The following EBF1 variants were observed in gnomAD, a reference collection of about 807,000 sequenced individuals.
EBF1 encodes the protein transcription factor COE1.
EBF1 carries 10 observed loss-of-function variants against 68.4 expected under a neutral mutation model. The ratio of observed to expected loss-of-function variants is 0.15; its 90% CI spans 0.09 to 0.25. EBF1 has a LOEUF of 0.25. Among genes scored for constraint, EBF1 ranks in the 10% least tolerant of loss-of-function variants. The probability of loss-of-function intolerance (pLI) is 1.00; values close to 1 mark genes in which losing one functional copy is unlikely to be tolerated. For synonymous variants in EBF1, 298 were observed against 299.8 expected (o/e 0.99, Z 0.06); for missense variants, 509 against 794.4 (o/e 0.64, Z 4.32).
rs76733631 is a variant in EBF1 at position 158,864,599 on chromosome 5, C to T, written c.555-24489G>A. Among the ~76,000 whole-genome samples the T allele has an allele frequency of 4.2e-3, 630 of 151,736 alleles. 32 individuals carry two copies. The East Asian group carries it at 0.11, about 25-fold the overall frequency. On this transcript the variant is annotated intron_variant, in intron 6 of 15. Coordinates refer to ENST00000313708, the MANE Select transcript of EBF1 (RefSeq NM_024007.5). Reference sequence around the variant, plus strand: ...CTGACTTTCTAGTGGGGAAAAAAGACAAAAAACAAGTGAAAGACTCACAAG... The same window carrying T: ...CTGACTTTCTAGTGGGGAAAAAAGATAAAAAACAAGTGAAAGACTCACAAG...
chr5:158,948,721 C>T (rs929176785), intron 6 of EBF1, among the ~76,000 whole-genome samples: 1 of 152,204 alleles, frequency 6.6e-6, no homozygotes, highest in Non-Finnish European at 1.5e-5. Context: ...TCCAGCCCTG[C>T]TCAGCGACCC....
chr5:159,000,422 G>A (rs1352036679), intron 6 of EBF1, among the ~76,000 whole-genome samples: 1 of 152,094 alleles, frequency 6.6e-6, no homozygotes, highest in Non-Finnish European at 1.5e-5. Flanking sequence ...AACTGTCTGA[G>A]TTGCAAGCTG....
intron 6 of EBF1, among the ~76,000 whole-genome samples, chr5:159,011,502 T>C (rs1764655870): frequency 6.6e-6 from 1 of 152,166 alleles, no homozygotes; most frequent in African/African-American, 2.4e-5. Context: ...GTTGGTAAGT[T>C]TGGGGGGCTG....
At chr5:158,981,194 A>G (rs1757833046) in intron 6 of EBF1, among the ~76,000 whole-genome samples, 1 of 152,204 alleles carries the variant, frequency 6.6e-6, no homozygotes, top group African/African-American at 2.4e-5. Flanking sequence ...CTTGCATCAA[A>G]ATGACTCCAA....
intron 6 of EBF1, among the ~76,000 whole-genome samples, chr5:159,001,334 A>C (rs1300853430): frequency 2.0e-5 from 3 of 152,178 alleles, no homozygotes; most frequent in Non-Finnish European, 2.9e-5. Flanking sequence ...ACATCCACAA[A>C]ATTTCTTTAA....
At chr5:158,786,663 A>C (rs927492127) in intron 9 of EBF1, among the ~76,000 whole-genome samples, 1 of 152,174 alleles carries the variant, frequency 6.6e-6, no homozygotes, top group Non-Finnish European at 1.5e-5. Flanking sequence ...AAGAAGGAAC[A>C]TCATTCCCTA....
chr5:159,011,200 G>A (rs1030130082), intron 6 of EBF1, among the ~76,000 whole-genome samples: 3 of 152,218 alleles, frequency 2.0e-5, no homozygotes, highest in African/African-American at 7.2e-5. Context: ...GTTTTCTTAA[G>A]GAAGTTGAAG....
chr5:159,029,556 G>T (rs138476767), intron 6 of EBF1, among the ~76,000 whole-genome samples: 1 of 152,276 alleles, frequency 6.6e-6, no homozygotes, highest in East Asian at 1.9e-4. Context: ...AACCAGCACA[G>T]TTCTGTTGTA....
At chr5:158,738,693 A>C (rs1765697838) in intron 10 of EBF1, among the ~76,000 whole-genome samples, 1 of 151,456 alleles carries the variant, frequency 6.6e-6, no homozygotes, top group African/African-American at 2.5e-5. Flanking sequence ...AGGCACAGAA[A>C]GAGTTGGTTG....
chr5:158,777,716 A>T (rs1473906083), intron 9 of EBF1, among the ~76,000 whole-genome samples, 177 bp from the exon 10 acceptor site: 1 of 152,230 alleles, frequency 6.6e-6, no homozygotes, highest in Non-Finnish European at 1.5e-5. Flanking sequence ...AAATGCTCTG[A>T]GTACAGCCAT....
intron 14 of EBF1, 147 bp from the exon 15 acceptor site, chr5:158,708,320 C>G (rs1482351889): frequency 7.9e-6 from 6 of 759,236 alleles, no homozygotes; most frequent in Admixed American, 2.7e-5. Context: ...TTCGCAGGCT[C>G]TCATCCACTT....
At chr5:159,012,257 C>T (rs560128412) in intron 6 of EBF1, among the ~76,000 whole-genome samples, 21 of 150,474 alleles carry the variant, frequency 1.4e-4, no homozygotes, top group African/African-American at 3.4e-4. Flanking sequence ...ACTGCATTCT[C>T]GCCTGGCAAC....
chr5:159,012,515 C>T (rs1226848915), intron 6 of EBF1, among the ~76,000 whole-genome samples: 1 of 151,644 alleles, frequency 6.6e-6, no homozygotes, highest in Non-Finnish European at 1.5e-5. Context: ...CAGGGTCTCA[C>T]TCTGTCACCC....
At chr5:158,946,010 G>A (rs529649343) in intron 6 of EBF1, among the ~76,000 whole-genome samples, 3 of 152,164 alleles carry the variant, frequency 2.0e-5, no homozygotes, top group Middle Eastern at 3.4e-3. Flanking sequence ...GGAAGTTCTC[G>A]TGCTGTGTTT....
chr5:158,711,952 TAGGA>T (rs1178142635), intron 14 of EBF1, among the ~76,000 whole-genome samples, 198 bp downstream of exon 14: 3 of 152,124 alleles, frequency 2.0e-5, no homozygotes, highest in Non-Finnish European at 4.4e-5. Flanking sequence ...GGAGACTTTG[TAGGA>T]AGGAAGGTGA....
intron 6 of EBF1, among the ~76,000 whole-genome samples, chr5:158,943,331 TACACACACACAC>T (rs59821779): frequency 4.0e-5 from 6 of 149,306 alleles, no homozygotes; most frequent in South Asian, 2.1e-4. Context: ...GTTTATTGGA[TACACACACACAC>T]ACACACACAC....
At chr5:158,928,794 T>C (rs1810238848) in intron 6 of EBF1, among the ~76,000 whole-genome samples, 1 of 152,184 alleles carries the variant, frequency 6.6e-6, no homozygotes, top group Non-Finnish European at 1.5e-5. Context: ...GGTAAAACAT[T>C]TAAAAGAAAT....
At chr5:158,857,703 G>A (rs1029876036) in intron 6 of EBF1, among the ~76,000 whole-genome samples, 2 of 152,144 alleles carry the variant, frequency 1.3e-5, no homozygotes, top group African/African-American at 2.4e-5. Flanking sequence ...TGGAGACGGG[G>A]AAAAAATCCA....
At chr5:158,948,660 C>T (rs1256556592) in intron 6 of EBF1, among the ~76,000 whole-genome samples, 2 of 152,144 alleles carry the variant, frequency 1.3e-5, no homozygotes, top group African/African-American at 2.4e-5. Flanking sequence ...GAGAAGAGGC[C>T]GGTCTGCGCT....
Sources: allele counts gnomAD v4.1 joint callset (sites outside exome capture counted in the v4.1 genomes callset), GRCh38; gene constraint gnomAD v4.1.1; transcripts MANE v1.5; gene names NCBI Gene and HGNC (gene_info 2026-07-23, HGNC 2026-07-21).